Variants in ADGRL3 observed in about 807,000 individuals in gnomAD.
ADGRL3 encodes calcium-independent alpha-latrotoxin receptor 3.
A neutral mutation model predicts 153.5 loss-of-function variants in ADGRL3; 62 were observed. The observed-to-expected ratio is 0.40, with a 90% CI of 0.33 to 0.50. ADGRL3 has a LOEUF of 0.50. Ranked by LOEUF, ADGRL3 falls within the 20% of genes least tolerant of loss-of-function variation. The pLI, the probability that ADGRL3 is intolerant of heterozygous loss-of-function variation, is 0.47. For synonymous variants in ADGRL3, 710 were observed against 672.5 expected (o/e 1.06, Z -0.86); for missense variants, 1,641 against 1,859.4 (o/e 0.88, Z 2.16).
chr4:61,339,983 C>A (rs988346598), intron 1 of ADGRL3, among the ~76,000 whole-genome samples: 3 of 152,154 alleles, frequency 2.0e-5, no homozygotes, highest in Admixed American at 6.6e-5. Flanking sequence ...TTATTGGGAT[C>A]CCTGTTCAGG....
chr4:61,264,972 G>C (rs2092759420), intron 1 of ADGRL3, among the ~76,000 whole-genome samples: 1 of 151,910 alleles, frequency 6.6e-6, no homozygotes, highest in African/African-American at 2.4e-5. Context: ...GTTACAGTTG[G>C]TCTATAAAGT....
chr4:61,239,260 A>G (rs1754018565), intron 1 of ADGRL3, among the ~76,000 whole-genome samples: 1 of 152,158 alleles, frequency 6.6e-6, no homozygotes, highest in Non-Finnish European at 1.5e-5. Context: ...CTGTATTTTT[A>G]GGGCTGTGAA....
chr4:61,738,711 G>C (rs2096547959), intron 8 of ADGRL3, among the ~76,000 whole-genome samples: 1 of 152,044 alleles, frequency 6.6e-6, no homozygotes, highest in Non-Finnish European at 1.5e-5. Context: ...CCTACCTTTT[G>C]TTGAGCTACC....
intron 5 of ADGRL3, among the ~76,000 whole-genome samples, chr4:61,662,314 T>C (rs1031603234): frequency 2.0e-5 from 3 of 152,224 alleles, no homozygotes; most frequent in African/African-American, 7.2e-5. Context: ...ATTACTGTAC[T>C]CTTAGGGGCC....
chr4:62,031,956 T>TACACACAC (rs146856591), intron 23 of ADGRL3, among the ~76,000 whole-genome samples: 16 of 137,758 alleles, frequency 1.2e-4, no homozygotes, highest in Admixed American at 3.9e-4. Context: ...GCATGAGTTA[T>TACACACAC]ACACACACAC....
At chr4:61,691,331 C>T (rs1425041950) in intron 6 of ADGRL3, among the ~76,000 whole-genome samples, 2 of 152,050 alleles carry the variant, frequency 1.3e-5, no homozygotes, top group African/African-American at 4.8e-5. Flanking sequence ...ACCAAAAATC[C>T]CATTTATTAT....
intron 8 of ADGRL3, among the ~76,000 whole-genome samples, chr4:61,782,578 T>C (rs889459202): frequency 9.9e-5 from 15 of 152,142 alleles, no homozygotes; most frequent in African/African-American, 3.6e-4. Context: ...GCTTTGTGGT[T>C]TCAAAAGAAT....
intron 8 of ADGRL3, among the ~76,000 whole-genome samples, chr4:61,785,354 A>G (rs940079242): frequency 6.6e-6 from 1 of 152,170 alleles, no homozygotes; most frequent in African/African-American, 2.4e-5. Flanking sequence ...TTCCAAAGTG[A>G]TGCAAAATTG....
intron 8 of ADGRL3, among the ~76,000 whole-genome samples, chr4:61,767,014 T>C (rs1024234106): frequency 6.6e-6 from 1 of 152,028 alleles, no homozygotes; most frequent in Admixed American, 6.6e-5. Flanking sequence ...CAGGCTTTAA[T>C]CTTTTTAAAG....
intron 19 of ADGRL3, among the ~76,000 whole-genome samples, chr4:61,985,018 A>C (rs1277223544): frequency 6.6e-6 from 1 of 152,148 alleles, no homozygotes; most frequent in East Asian, 1.9e-4. Context: ...CTTATAGTAT[A>C]TATGGGCCAA....
intron 5 of ADGRL3, among the ~76,000 whole-genome samples, chr4:61,676,283 T>G (rs2095189661): frequency 6.6e-6 from 1 of 151,956 alleles, no homozygotes; most frequent in Non-Finnish European, 1.5e-5. Context: ...TTATATTAAT[T>G]TTTACAAAAT....
chr4:61,440,688 A>AGT (rs5858701), intron 2 of ADGRL3, among the ~76,000 whole-genome samples: 141,686 of 152,118 alleles, frequency 0.93, 66,834 homozygotes, highest in East Asian at 1. Flanking sequence ...GATACATCAC[A>AGT]GTGTTGTTGG....
chr4:61,201,781 C>G lies in ADGRL3; in HGVS notation c.-240+16C>G, dbSNP rs1734745491. 6.6e-6 allele frequency: 1 copy of G among 152,380 alleles called. No homozygotes were observed. The highest frequency in any genetic ancestry group is 2.4e-5 in the African/African-American group (1 of 41,454). The allele number at this position is 152,380 out of a possible 1,614,324, so 9.4% of individuals were successfully genotyped here. ...TTTACGAAAGGTAATTTATTCTTCG[C>G]ACTCTTCATAATAGGGGTCGCCCTG... On this transcript the variant is annotated intron_variant, in intron 1 of 26. Coordinates refer to ENST00000683033, the MANE Select transcript of ADGRL3 (RefSeq NM_001387552.1).
chr4:61,472,062 C>T (rs1187875264), intron 2 of ADGRL3, among the ~76,000 whole-genome samples: 1 of 152,114 alleles, frequency 6.6e-6, no homozygotes, highest in Non-Finnish European at 1.5e-5. Context: ...AGATTCAGTA[C>T]TTTCAACATA....
chr4:61,899,398 C>G (rs1241621623), intron 11 of ADGRL3, among the ~76,000 whole-genome samples: 1 of 151,932 alleles, frequency 6.6e-6, no homozygotes, highest in Admixed American at 6.6e-5. Flanking sequence ...AAATAGATAT[C>G]TTTAATGTTT....
chr4:61,801,488 G>C (rs897271977), intron 8 of ADGRL3, among the ~76,000 whole-genome samples: 4 of 152,196 alleles, frequency 2.6e-5, no homozygotes, highest in Middle Eastern at 3.4e-3. Flanking sequence ...TCATGTCAAG[G>C]AGGTAAAGTG....
intron 15 of ADGRL3, among the ~76,000 whole-genome samples, chr4:61,939,559 T>A (rs2098866601): frequency 6.7e-6 from 1 of 150,210 alleles, no homozygotes; most frequent in Admixed American, 6.6e-5. Flanking sequence ...AACCTCCACC[T>A]CCCGGATTCA....
intron 1 of ADGRL3, among the ~76,000 whole-genome samples, chr4:61,255,029 A>T (rs1180147860): frequency 6.6e-6 from 1 of 152,142 alleles, no homozygotes; most frequent in Non-Finnish European, 1.5e-5. Flanking sequence ...TAGGATGGAT[A>T]ATGTACACAA....
chr4:61,974,969 A>G, intron 17 of ADGRL3, among the ~76,000 whole-genome samples: 1 of 152,180 alleles, frequency 6.6e-6, no homozygotes, highest in Admixed American at 6.5e-5. Flanking sequence ...ATTGTAGAAG[A>G]GAGAGATGAT....
Sources: gnomAD v4.1 joint callset for allele counts (sites outside exome capture counted in the v4.1 genomes callset) on GRCh38, gnomAD v4.1.1 for gene constraint, MANE v1.5 for transcripts, NCBI Gene and HGNC (gene_info 2026-07-23, HGNC 2026-07-21) for gene names.